UGGT2: variants seen among roughly 807,000 people sequenced by gnomAD.
UGGT2 encodes UDP-glucose:glycoprotein glucosyltransferase 2.
In UGGT2, 180 loss-of-function variants were observed where a neutral mutation model predicts 192.1. The observed-to-expected ratio is 0.94, with a 90% CI of 0.83 to 1.06. The LOEUF (loss-of-function observed/expected upper bound fraction) is 1.06. Among genes scored for constraint, UGGT2 ranks in the 50% least tolerant of loss-of-function variants. The probability of loss-of-function intolerance (pLI) is 0.00; values close to 1 mark genes in which losing one functional copy is unlikely to be tolerated. For synonymous variants in UGGT2, 580 were observed against 591.0 expected (o/e 0.98, Z 0.27); for missense variants, 1,849 against 1,795.7 (o/e 1.03, Z -0.54).
intron 20 of UGGT2, among the ~76,000 whole-genome samples, chr13:95,924,293 T>C (rs1403913883): frequency 6.6e-6 from 1 of 150,684 alleles, no homozygotes; most frequent in Non-Finnish European, 1.5e-5. Flanking sequence ...GGAAAGGGAG[T>C]TTGTGAGCCT....
intron 10 of UGGT2, among the ~76,000 whole-genome samples, chr13:95,972,958 G>A (rs2050821798): frequency 6.6e-6 from 1 of 152,204 alleles, no homozygotes; most frequent in South Asian, 2.1e-4. Flanking sequence ...ATCACCTGAG[G>A]TCAGGAGTTC....
chr13:95,987,309 C>T (rs1433805221), intron 8 of UGGT2, among the ~76,000 whole-genome samples: 2 of 152,064 alleles, frequency 1.3e-5, no homozygotes, highest in Admixed American at 6.6e-5. Flanking sequence ...ATTTATATGC[C>T]TTCTATCACT....
intron 5 of UGGT2, among the ~76,000 whole-genome samples, chr13:96,008,912 T>A (rs546834828): frequency 1.3e-5 from 2 of 152,132 alleles, no homozygotes; most frequent in South Asian, 4.1e-4. Context: ...AGAGCCTGAA[T>A]AGTCAAGGCA....
chr13:95,806,780 T>C (rs1884328225), intron 38 of UGGT2, among the ~76,000 whole-genome samples: 1 of 152,082 alleles, frequency 6.6e-6, no homozygotes, highest in Non-Finnish European at 1.5e-5. Context: ...GACCATTCAA[T>C]GGGGAAATGA....
chr13:95,917,102 T>A (rs2048704218), intron 20 of UGGT2, among the ~76,000 whole-genome samples: 1 of 151,982 alleles, frequency 6.6e-6, no homozygotes, highest in Admixed American at 6.6e-5. Flanking sequence ...ATCATCAGAT[T>A]CTCCAAGGTT....
chr13:95,958,391 T>C (rs1329426088), intron 12 of UGGT2, among the ~76,000 whole-genome samples: 2 of 152,130 alleles, frequency 1.3e-5, no homozygotes, highest in Non-Finnish European at 2.9e-5. Flanking sequence ...GACCTCATGA[T>C]CCACCCGCCT....
chr13:96,050,568 T>C (rs1452215522), intron 1 of UGGT2, among the ~76,000 whole-genome samples: 1 of 152,178 alleles, frequency 6.6e-6, no homozygotes. Flanking sequence ...AGAAAATTTT[T>C]GCAATCTACC....
In UGGT2 at chr13:95,833,898, G is replaced by A. The variant is rs569742945; in HGVS notation, c.4402-845C>T. ...AAAGAATTAAGGCAGGAAGCAACTT[G>A]AAGCTCACTTCTGGTGACATTTTCT... is the stretch of plus-strand genomic sequence containing the variant. On this transcript the variant is annotated intron_variant, in intron 37 of 38. Coordinates refer to ENST00000376747, the MANE Select transcript of UGGT2 (RefSeq NM_020121.4). 2.6e-5 allele frequency among the ~76,000 whole-genome samples: 4 copies of A among 152,304 alleles called. No individual in the cohort carries two copies. In the East Asian group the frequency reaches 5.8e-4, roughly 22 times the overall value.
chr13:95,951,951 A>T lies in UGGT2; in HGVS notation c.1336-2497T>A, dbSNP rs9516629. ...TACACGCCTGTAGTGCCAACTACTCAGGAGGCTGAGGCAGGAGAATCGCTT... is the reference window on the plus strand; with the variant it reads ...TACACGCCTGTAGTGCCAACTACTCTGGAGGCTGAGGCAGGAGAATCGCTT... On this transcript the variant is annotated intron_variant, in intron 12 of 38. Transcript: ENST00000376747. Among the ~76,000 whole-genome samples the T allele has an allele frequency of 5.3e-5, 8 of 151,854 alleles. No individual in the cohort carries two copies. The South Asian group carries it at 1.7e-3, about 32-fold the overall frequency.
chr13:95,855,141 GC>G (rs946810440), intron 34 of UGGT2, among the ~76,000 whole-genome samples: 5 of 130,506 alleles, frequency 3.8e-5, no homozygotes, highest in Non-Finnish European at 8.0e-5. Context: ...AAAAAAATTA[GC>G]CAGGCGTGGT....
At chr13:96,022,609 TTAATA>T (rs1438211605) in intron 4 of UGGT2, among the ~76,000 whole-genome samples, 10 of 151,958 alleles carry the variant, frequency 6.6e-5, no homozygotes, top group African/African-American at 2.4e-4. Flanking sequence ...CACTAATAAA[TTAATA>T]ATTTACTTCT....
chr13:95,886,392 AAAGTC>A (rs746357150), intron 26 of UGGT2, among the ~76,000 whole-genome samples: 55 of 152,330 alleles, frequency 3.6e-4, no homozygotes, highest in Admixed American at 6.5e-4. Flanking sequence ...TTCATTTAGA[AAAGTC>A]AATTCTTTCC....
intron 7 of UGGT2, among the ~76,000 whole-genome samples, chr13:95,994,001 C>G (rs1231400052): frequency 6.6e-6 from 1 of 151,992 alleles, no homozygotes; most frequent in Non-Finnish European, 1.5e-5. Flanking sequence ...TGAAAGCTTA[C>G]TTATATATGT....
rs370146603 is a variant in UGGT2 at position 95,970,203 on chromosome 13, A to T, written c.1244T>A (p.Ile415Asn). ...KMMNGLRNLG[I>N]NGEDMSKFLK... ...AAATTTGCTCATATCTTCCCCATTG[A>T]TCCCAAGATTGCGAAGGCCATTCAT... The change falls in exon 12 of 39, where the codon ATC becomes AAC. Residue 415 changes from isoleucine (I) to asparagine (N), a missense_variant. Coordinates refer to ENST00000376747, the MANE Select transcript of UGGT2 (RefSeq NM_020121.4). 3.5e-5 allele frequency: 56 copies of T among 1,613,196 alleles called. No homozygotes were observed. The highest frequency in any genetic ancestry group is 4.5e-5 in the Non-Finnish European group (53 of 1,179,410).
At chr13:95,866,161 C>T (rs1890635962) in intron 30 of UGGT2, among the ~76,000 whole-genome samples, 1 of 152,066 alleles carries the variant, frequency 6.6e-6, no homozygotes, top group Admixed American at 6.6e-5. Flanking sequence ...CATGTTAAAG[C>T]TATCTACTAT....
At chr13:95,918,959 G>A (rs2048761987) in intron 20 of UGGT2, among the ~76,000 whole-genome samples, 1 of 152,118 alleles carries the variant, frequency 6.6e-6, no homozygotes, top group Admixed American at 6.5e-5. Flanking sequence ...GAACATCAAT[G>A]CAAAAATCCT....
intron 38 of UGGT2, among the ~76,000 whole-genome samples, chr13:95,829,305 G>A (rs1253089907): frequency 6.6e-6 from 1 of 152,106 alleles, no homozygotes; most frequent in African/African-American, 2.4e-5. Flanking sequence ...ACATAGTGTT[G>A]GAAGTTCTGG....
chr13:95,877,575 T>C (rs2140163483), intron 28 of UGGT2, 123 bp downstream of exon 28: 5 of 1,183,700 alleles, frequency 4.2e-6, no homozygotes, highest in Non-Finnish European at 4.6e-6. Context: ...ATTCAAAGAT[T>C]CAATTTTGTT....
chr13:95,813,434 T>C (rs1451148636), intron 38 of UGGT2, among the ~76,000 whole-genome samples: 2 of 152,146 alleles, frequency 1.3e-5, no homozygotes, highest in Non-Finnish European at 2.9e-5. Context: ...AAAGCGATGA[T>C]TTAGGGTATC....
Sources: gnomAD v4.1 joint callset for allele counts (sites outside exome capture counted in the v4.1 genomes callset) on GRCh38, gnomAD v4.1.1 for gene constraint, MANE v1.5 for transcripts, NCBI Gene and HGNC (gene_info 2026-07-23, HGNC 2026-07-21) for gene names.